Variants in LRRTM4 observed in about 807,000 individuals in gnomAD.
The protein encoded by LRRTM4 is leucine-rich repeat transmembrane neuronal protein 4.
In LRRTM4, 25 loss-of-function variants were observed where a neutral mutation model predicts 47.6. That is an observed-to-expected ratio of 0.53 (90% CI 0.38 to 0.73). The LOEUF is 0.73. LRRTM4 is among the 30% of genes least tolerant of loss of function. The pLI, the probability that LRRTM4 is intolerant of heterozygous loss-of-function variation, is 0.00. For synonymous variants in LRRTM4, 311 were observed against 269.5 expected (o/e 1.15, Z -1.51); for missense variants, 638 against 713.4 (o/e 0.89, Z 1.20).
intron 3 of LRRTM4, among the ~76,000 whole-genome samples, chr2:77,193,483 G>A (rs1673728714): frequency 6.6e-6 from 1 of 151,530 alleles, no homozygotes; most frequent in East Asian, 1.9e-4. Flanking sequence ...TATAAAAATT[G>A]ATATGCCTTG....
chr2:76,781,993 C>A (rs1378835430), intron 3 of LRRTM4, among the ~76,000 whole-genome samples: 1 of 152,054 alleles, frequency 6.6e-6, no homozygotes, highest in Non-Finnish European at 1.5e-5. Context: ...ATTGTCAAAC[C>A]ATCCTTTGCT....
intron 3 of LRRTM4, among the ~76,000 whole-genome samples, chr2:77,078,413 C>T (rs1680421646): frequency 6.6e-6 from 1 of 151,444 alleles, no homozygotes; most frequent in South Asian, 2.1e-4. Context: ...CACACATGTT[C>T]TGGTGCACTG....
intron 3 of LRRTM4, among the ~76,000 whole-genome samples, chr2:76,777,275 G>T (rs1674066250): frequency 6.8e-6 from 1 of 146,448 alleles, no homozygotes; most frequent in South Asian, 2.3e-4. Flanking sequence ...CTTTAAAGTA[G>T]TTTTTTCCAA....
intron 3 of LRRTM4, among the ~76,000 whole-genome samples, chr2:76,868,294 T>C (rs886359180): frequency 6.6e-6 from 1 of 152,216 alleles, no homozygotes; most frequent in Non-Finnish European, 1.5e-5. Context: ...GTGTCAGACA[T>C]AGGACCCAGT....
chr2:77,417,809 T>C (rs189779477), intron 3 of LRRTM4, among the ~76,000 whole-genome samples: 47 of 152,072 alleles, frequency 3.1e-4, no homozygotes, highest in Admixed American at 2.3e-3. Flanking sequence ...ATACCTAATG[T>C]TAAATGACGA....
chr2:76,848,659 T>C (rs1003069418), intron 3 of LRRTM4, among the ~76,000 whole-genome samples: 1 of 152,054 alleles, frequency 6.6e-6, no homozygotes, highest in African/African-American at 2.4e-5. Flanking sequence ...TTGAAACAAA[T>C]GGATATTATC....
At chr2:77,353,586 C>T (rs189115567) in intron 3 of LRRTM4, among the ~76,000 whole-genome samples, 1 of 152,224 alleles carries the variant, frequency 6.6e-6, no homozygotes, top group Non-Finnish European at 1.5e-5. Context: ...GATAATGACA[C>T]CATTGGTGAA....
intron 3 of LRRTM4, among the ~76,000 whole-genome samples, chr2:77,266,437 T>TA (rs1186636900): frequency 1.3e-5 from 2 of 151,966 alleles, no homozygotes; most frequent in Non-Finnish European, 2.9e-5. Context: ...AGTAAGAGAA[T>TA]AAAAAATATT....
intron 3 of LRRTM4, among the ~76,000 whole-genome samples, chr2:77,089,992 C>A (rs1227735834): frequency 6.6e-6 from 1 of 152,124 alleles, no homozygotes; most frequent in Non-Finnish European, 1.5e-5. Flanking sequence ...TAACCCCAAG[C>A]ATCGCTGAGT....
At chr2:77,241,742 A>G (rs915425377) in intron 3 of LRRTM4, among the ~76,000 whole-genome samples, 1 of 152,154 alleles carries the variant, frequency 6.6e-6, no homozygotes, top group African/African-American at 2.4e-5. Context: ...TACATCTCCA[A>G]TCCAATGTCA....
At chr2:77,248,824 GAAC>G (rs1675521883) in intron 3 of LRRTM4, among the ~76,000 whole-genome samples, 2 of 152,078 alleles carry the variant, frequency 1.3e-5, no homozygotes, top group South Asian at 2.1e-4. Flanking sequence ...AATGATGTCA[GAAC>G]AACAGGACAC....
chr2:76,763,565 T>C (rs901982055), intron 3 of LRRTM4, among the ~76,000 whole-genome samples: 1 of 152,192 alleles, frequency 6.6e-6, no homozygotes, highest in African/African-American at 2.4e-5. Context: ...TTATGTTGTT[T>C]AAGCCACCTA....
At chr2:77,490,268 C>CA (rs376397638) in intron 3 of LRRTM4, among the ~76,000 whole-genome samples, 33 of 150,714 alleles carry the variant, frequency 2.2e-4, no homozygotes, top group African/African-American at 7.1e-4. Context: ...CAAAACAAAA[C>CA]AAAAAAATTG....
rs1173850368 is a variant in LRRTM4 at position 76,968,371 on chromosome 2, TA to T, written c.1552-219456del. Among the ~76,000 whole-genome samples the T allele has an allele frequency of 1.6e-5, 2 of 127,542 alleles. 1 individual carries two copies. Among genetic ancestry groups the T allele is most frequent in the Admixed American group, 1.5e-4 (2 of 13,028 alleles). 83.7% of individuals were successfully genotyped at this position (127,542 alleles called of 152,430 possible). A position where few individuals can be genotyped will look rare whatever the true frequency, so the allele number is the denominator to read the frequency against. On this transcript the variant is annotated intron_variant, in intron 3 of 3. Coordinates refer to ENST00000409884, the MANE Select transcript of LRRTM4 (RefSeq NM_001134745.3). ...ATATATATATATATATATATATATA[TA>T]TATATATATATACACATACATACAT...
intron 3 of LRRTM4, among the ~76,000 whole-genome samples, chr2:77,284,493 C>T (rs930631711): frequency 6.6e-6 from 1 of 151,876 alleles, no homozygotes; most frequent in Non-Finnish European, 1.5e-5. Context: ...GGACAGGTGA[C>T]ACATATACAC....
chr2:77,370,361 GT>G (rs1672614841), intron 3 of LRRTM4, among the ~76,000 whole-genome samples: 1 of 151,728 alleles, frequency 6.6e-6, no homozygotes, highest in Admixed American at 6.6e-5. Flanking sequence ...AACTTACCAA[GT>G]TTCAGCATAA....
chr2:77,117,473 C>G (rs1671417731), intron 3 of LRRTM4, among the ~76,000 whole-genome samples: 1 of 151,594 alleles, frequency 6.6e-6, no homozygotes, highest in African/African-American at 2.4e-5. Flanking sequence ...TATTTTACCC[C>G]CAGGTTAACA....
intron 3 of LRRTM4, among the ~76,000 whole-genome samples, chr2:77,077,387 C>A (rs1217298513): frequency 6.6e-6 from 1 of 152,050 alleles, no homozygotes; most frequent in Non-Finnish European, 1.5e-5. Context: ...TTTATTATAT[C>A]CTAATAGATA....
chr2:76,967,677 C>T (rs925891451), intron 3 of LRRTM4, among the ~76,000 whole-genome samples: 1 of 151,710 alleles, frequency 6.6e-6, no homozygotes, highest in Non-Finnish European at 1.5e-5. Flanking sequence ...GAGGATTCCT[C>T]TTCTTGAAAT....
Sources: allele counts gnomAD v4.1 joint callset (sites outside exome capture counted in the v4.1 genomes callset), GRCh38; gene constraint gnomAD v4.1.1; transcripts MANE v1.5; gene names NCBI Gene and HGNC (gene_info 2026-07-23, HGNC 2026-07-21).